Variants in PCP4L1 observed in about 807,000 individuals in gnomAD.
PCP4L1 encodes Purkinje cell protein 4 like 1, also known as Purkinje cell protein 4-like protein 1.
Under a neutral mutation model 9.6 loss-of-function variants are expected in PCP4L1, and 9 were observed. The ratio of observed to expected loss-of-function variants is 0.94; its 90% confidence interval spans 0.57 to 1.64. The LOEUF (loss-of-function observed/expected upper bound fraction) is 1.64, where lower values mean the gene tolerates loss of function less well. PCP4L1 is among the 40% of genes most tolerant of loss of function. The pLI is 0.00. For synonymous variants in PCP4L1, 31 were observed against 28.2 expected, an observed-to-expected ratio of 1.10 and a Z score of -0.31; for missense variants, 81 against 80.8, an observed-to-expected ratio of 1.00 and a Z score of -0.01.
chr1:161,283,690 C>T lies in PCP4L1; in HGVS notation c.32C>T (p.Ala11Val). ...CAGCTTAATACCAAAACATCCCCAG[C>T]AACCAACCAGGCAGCTGGCCAAGAG... MSELNTKTSPATNQAAGQEEK... is the reference protein window; with the variant it reads MSELNTKTSPVTNQAAGQEEK... Residue 11 changes from alanine to valine, a missense_variant, in exon 2 of 3, where the codon GCA becomes GTA. Transcript: ENST00000504449. 6.2e-7 allele frequency: 1 copy of T among 1,605,070 alleles called. No homozygotes were observed. The highest frequency in any genetic ancestry group is 8.5e-7 in the Non-Finnish European group (1 of 1,175,438).
intron 1 of PCP4L1, among the ~76,000 whole-genome samples, chr1:161,278,539 G>A (rs1669740708): frequency 6.6e-6 from 1 of 151,900 alleles, no homozygotes; most frequent in African/African-American, 2.4e-5. Context: ...AAAGTGCTGG[G>A]ATTATAGGCA....
At chr1:161,262,544 G>T (rs1477024184) in intron 1 of PCP4L1, among the ~76,000 whole-genome samples, 2 of 151,870 alleles carry the variant, frequency 1.3e-5, no homozygotes, top group Non-Finnish European at 2.9e-5. Flanking sequence ...CATTTATGTT[G>T]CTGGTTTTAG....
chr1:161,280,559 T>G (rs1669776049), intron 1 of PCP4L1, among the ~76,000 whole-genome samples: 1 of 152,198 alleles, frequency 6.6e-6, no homozygotes, highest in African/African-American at 2.4e-5. Context: ...CTCTTCCTTT[T>G]CCCTCTTGAG....
At chr1:161,277,837 C>T (rs1328922408) in intron 1 of PCP4L1, among the ~76,000 whole-genome samples, 1 of 152,168 alleles carries the variant, frequency 6.6e-6, no homozygotes, top group Non-Finnish European at 1.5e-5. Flanking sequence ...TCCGTGCCTT[C>T]TTCACTCTCA....
intron 1 of PCP4L1, among the ~76,000 whole-genome samples, chr1:161,271,028 G>A (rs1222990773): frequency 8.5e-5 from 13 of 152,190 alleles, no homozygotes; most frequent in Admixed American, 8.5e-4. Flanking sequence ...AAGTAGAGCT[G>A]CTATAAATAT....
intron 1 of PCP4L1, among the ~76,000 whole-genome samples, chr1:161,272,406 A>G (rs1231912319): frequency 1.3e-5 from 2 of 151,712 alleles, no homozygotes; most frequent in Non-Finnish European, 2.9e-5. Flanking sequence ...AAAAATACAA[A>G]AATTAGCCAG....
intron 1 of PCP4L1, among the ~76,000 whole-genome samples, chr1:161,281,675 T>G: frequency 1.4e-5 from 2 of 146,816 alleles, no homozygotes; most frequent in East Asian, 2.1e-4. Flanking sequence ...CCAGACGGGG[T>G]GGCTGCCGGG....
At chr1:161,270,032 C>T (rs1182022135) in intron 1 of PCP4L1, among the ~76,000 whole-genome samples, 2 of 149,462 alleles carry the variant, frequency 1.3e-5, no homozygotes, top group African/African-American at 4.9e-5. Context: ...CGTGGTGGCT[C>T]ACGCCTGTAA....
intron 1 of PCP4L1, among the ~76,000 whole-genome samples, chr1:161,281,086 A>G (rs1571802232): frequency 6.6e-6 from 1 of 152,192 alleles, no homozygotes; most frequent in Non-Finnish European, 1.5e-5. Flanking sequence ...AACAAAGCAC[A>G]TCTTGCACCG....
At position 161,284,486 on chromosome 1, in the gene PCP4L1, C is replaced by T. The variant is rs756714736; in HGVS notation, c.*5C>T. 1 of 1,610,978 alleles carries T rather than the reference C, an allele frequency of 6.2e-7. No individual in the cohort carries two copies. Among genetic ancestry groups the T allele is most frequent in the South Asian group, 1.1e-5 (1 of 90,576 alleles). ...AAAAAGGATCCCAGCTCCTGAATGG[C>T]CAGGCTTGCCCTTCACCTTCACCTT... is the stretch of plus-strand genomic sequence containing the variant. On this transcript the variant is annotated 3_prime_UTR_variant, in exon 3 of 3. Coordinates refer to ENST00000504449, the MANE Select transcript of PCP4L1 (RefSeq NM_001102566.2).
intron 1 of PCP4L1, among the ~76,000 whole-genome samples, chr1:161,270,804 G>A (rs1669611871): frequency 6.6e-6 from 1 of 151,662 alleles, no homozygotes. Context: ...GAACCCAGGA[G>A]GTGGAGGTCG....
At chr1:161,267,537 C>T (rs979310062) in intron 1 of PCP4L1, among the ~76,000 whole-genome samples, 1 of 152,084 alleles carries the variant, frequency 6.6e-6, no homozygotes, top group Non-Finnish European at 1.5e-5. Context: ...GCTGTGGCAA[C>T]GCTATTAAAG....
intron 1 of PCP4L1, among the ~76,000 whole-genome samples, chr1:161,276,595 C>T (rs1202929392): frequency 2.0e-5 from 3 of 151,210 alleles, no homozygotes; most frequent in African/African-American, 7.3e-5. Context: ...GTGCGAGGAT[C>T]GCTGGAGCCT....
chr1:161,284,631 T>C lies in PCP4L1; in HGVS notation c.*150T>C. 1.9e-6 allele frequency: 2 copies of C among 1,054,962 alleles called. 1 individual carries two copies. The highest frequency in any genetic ancestry group is 3.4e-5 in the South Asian group (2 of 58,994). The allele number at this position is 1,054,962 out of a possible 1,614,324, so 65.4% of individuals were successfully genotyped here. ...TCTTGTATCTGGCCCCCTCAAGCCA[T>C]CACAGAAGTAGAGGCACAAGAGAGG... On this transcript the variant is annotated 3_prime_UTR_variant, in exon 3 of 3. Transcript: ENST00000504449.
chr1:161,277,542 A>G (rs1018871644), intron 1 of PCP4L1, among the ~76,000 whole-genome samples: 1 of 152,218 alleles, frequency 6.6e-6, no homozygotes, highest in Non-Finnish European at 1.5e-5. Context: ...AATACATATT[A>G]TTTGGGTCCT....
At chr1:161,272,904 G>A (rs1669645906) in intron 1 of PCP4L1, among the ~76,000 whole-genome samples, 1 of 152,036 alleles carries the variant, frequency 6.6e-6, no homozygotes, top group African/African-American at 2.4e-5. Flanking sequence ...AGTGTGTGGT[G>A]CTTCTCTTTC....
intron 1 of PCP4L1, among the ~76,000 whole-genome samples, chr1:161,281,486 C>T (rs1247825122): frequency 3.3e-5 from 5 of 149,964 alleles, no homozygotes; most frequent in African/African-American, 1.2e-4. Flanking sequence ...CACCTCCCTC[C>T]CGGACTGGGC....
chr1:161,267,756 G>A (rs1669554185), intron 1 of PCP4L1, among the ~76,000 whole-genome samples: 1 of 152,062 alleles, frequency 6.6e-6, no homozygotes, highest in Non-Finnish European at 1.5e-5. Context: ...TGCCTAGGCT[G>A]GAGTGGAGTG....
chr1:161,280,633 C>A (rs1016886511), intron 1 of PCP4L1, among the ~76,000 whole-genome samples: 19 of 152,262 alleles, frequency 1.2e-4, no homozygotes, highest in African/African-American at 3.6e-4. Flanking sequence ...ATCAGTGTCA[C>A]CAGTGATCTC....
Sources: allele counts gnomAD v4.1 joint callset (sites outside exome capture counted in the v4.1 genomes callset), GRCh38; gene constraint gnomAD v4.1.1; transcripts MANE v1.5; gene names NCBI Gene and HGNC (gene_info 2026-07-23, HGNC 2026-07-21).